The following ASIC2 variants were observed in gnomAD, a reference collection of about 807,000 sequenced individuals.
ASIC2 encodes the protein acid-sensing ion channel 2.
ASIC2 carries 25 observed loss-of-function variants against 57.3 expected under a neutral mutation model. The ratio of observed to expected loss-of-function variants is 0.44; its 90% confidence interval spans 0.32 to 0.61. The LOEUF is 0.61. Among genes scored for constraint, ASIC2 ranks in the 20% least tolerant of loss-of-function variants. The pLI is 0.06. For missense variants in ASIC2, 641 were observed against 738.1 expected (o/e 0.87, Z 1.52); for synonymous variants, 319 against 307.5 (o/e 1.04, Z -0.39).
At chr17:33,188,674 A>C (rs193204114) in intron 1 of ASIC2, among the ~76,000 whole-genome samples, 212 of 152,272 alleles carry the variant, frequency 1.4e-3, no homozygotes, top group African/African-American at 4.9e-3. Context: ...TACTGAGAGA[A>C]AGTAACTGTT....
At chr17:33,541,011 G>C (rs759637033) in intron 1 of ASIC2, among the ~76,000 whole-genome samples, 2 of 151,996 alleles carry the variant, frequency 1.3e-5, no homozygotes, top group African/African-American at 4.8e-5. Flanking sequence ...CATTCGCCCA[G>C]ACTCCTGTGT....
At chr17:33,093,960 C>A (rs2141970187) in intron 2 of ASIC2, among the ~76,000 whole-genome samples, 1 of 152,284 alleles carries the variant, frequency 6.6e-6, no homozygotes, top group Admixed American at 6.5e-5. Context: ...GACTTTATAA[C>A]AGTGGCTGAG....
chr17:33,883,393 C>T (rs1389154309), intron 1 of ASIC2, among the ~76,000 whole-genome samples: 1 of 152,152 alleles, frequency 6.6e-6, no homozygotes, highest in Non-Finnish European at 1.5e-5. Context: ...AACTTGTATC[C>T]AGGAAGAAGC....
intron 1 of ASIC2, among the ~76,000 whole-genome samples, chr17:33,924,664 G>C (rs1236309956): frequency 6.6e-6 from 1 of 152,150 alleles, no homozygotes; most frequent in African/African-American, 2.4e-5. Context: ...CCTTTCCTAT[G>C]GGAATTTTTG....
intron 1 of ASIC2, among the ~76,000 whole-genome samples, chr17:33,865,829 T>C (rs1170949674): frequency 1.3e-5 from 2 of 150,302 alleles, no homozygotes; most frequent in African/African-American, 2.5e-5. Flanking sequence ...AGTGCACAGA[T>C]AATGGAACCA....
At chr17:33,764,458 A>G (rs1400532903) in intron 1 of ASIC2, among the ~76,000 whole-genome samples, 3 of 152,190 alleles carry the variant, frequency 2.0e-5, no homozygotes, top group Non-Finnish European at 2.9e-5. Flanking sequence ...ATTAATAAAG[A>G]AAAAGAATTT....
In ASIC2 at chr17:33,573,526, G is replaced by T. The variant is rs529084907; in HGVS notation, c.556-461459C>A. 5.3e-5 allele frequency among the ~76,000 whole-genome samples: 8 copies of T among 152,206 alleles called. No homozygotes were observed. The South Asian group carries it at 1.7e-3, about 32-fold the overall frequency. On this transcript the variant is annotated intron_variant, in intron 1 of 9. Transcript: ENST00000359872. ...ATGTGGGAAAGCAAACATCAGCTTGGTTAACAGTTTTGTTTGCCTGCTTTA... is the reference window on the plus strand; with the variant it reads ...ATGTGGGAAAGCAAACATCAGCTTGTTTAACAGTTTTGTTTGCCTGCTTTA...
intron 1 of ASIC2, chr17:34,039,596 C>T (rs1908026828): frequency 1.2e-6 from 2 of 1,613,870 alleles, no homozygotes; most frequent in African/African-American, 2.7e-5. Context: ...GGCCCGCTTC[C>T]CCCAGCAAAC....
chr17:33,191,090 C>T (rs571821994), intron 1 of ASIC2, among the ~76,000 whole-genome samples: 1 of 152,148 alleles, frequency 6.6e-6, no homozygotes, highest in South Asian at 2.1e-4. Context: ...CCATCAACAG[C>T]CTAAAAGATT....
At chr17:33,846,463 G>C (rs1913605224) in intron 1 of ASIC2, among the ~76,000 whole-genome samples, 1 of 152,148 alleles carries the variant, frequency 6.6e-6, no homozygotes, top group African/African-American at 2.4e-5. Flanking sequence ...AATTGGCCTT[G>C]TTCTGTTGAA....
intron 1 of ASIC2, among the ~76,000 whole-genome samples, chr17:33,149,927 T>C (rs1299310620): frequency 6.6e-6 from 1 of 152,206 alleles, no homozygotes; most frequent in Non-Finnish European, 1.5e-5. Context: ...ATACATTTCC[T>C]TGGATACCCT....
At chr17:33,885,159 G>T (rs189756022) in intron 1 of ASIC2, among the ~76,000 whole-genome samples, 151 of 152,278 alleles carry the variant, frequency 9.9e-4, no homozygotes, top group African/African-American at 3.0e-3. Context: ...GCACAGGCTG[G>T]TGTCAAACTG....
intron 1 of ASIC2, among the ~76,000 whole-genome samples, chr17:33,151,927 C>T (rs979085729): frequency 6.6e-6 from 1 of 152,152 alleles, no homozygotes; most frequent in Non-Finnish European, 1.5e-5. Flanking sequence ...ATTCTAAAGC[C>T]CAAGATGTAA....
intron 1 of ASIC2, among the ~76,000 whole-genome samples, chr17:33,759,512 G>C (rs1315613707): frequency 1.3e-5 from 2 of 152,188 alleles, no homozygotes; most frequent in Admixed American, 6.5e-5. Context: ...GATTCATATG[G>C]ATAGAAGGGA....
intron 1 of ASIC2, among the ~76,000 whole-genome samples, chr17:33,552,835 C>T (rs773771372): frequency 1.2e-4 from 19 of 152,220 alleles, no homozygotes; most frequent in Non-Finnish European, 5.9e-5. Flanking sequence ...GTCAGGTATT[C>T]TGTTAGTGCA....
At position 33,050,056 on chromosome 17, in the gene ASIC2, A is replaced by G. The variant is rs532309342; in HGVS notation, c.988-21664T>C. ...TGGGAATGTTAGGAAAGAAAATGCT[A>G]TCGGGTAAGCCTGCTCAGCCTGAGG... On this transcript the variant is annotated intron_variant, in intron 3 of 9. Coordinates refer to ENST00000225823, the MANE Select transcript of ASIC2 (RefSeq NM_183377.2). Among the ~76,000 whole-genome samples the G allele has an allele frequency of 2.0e-5, 3 of 152,328 alleles. No homozygotes were observed. The East Asian group carries it at 5.8e-4, about 29-fold the overall frequency.
chr17:33,151,109 T>C (rs1432273281), intron 1 of ASIC2, among the ~76,000 whole-genome samples: 1 of 151,730 alleles, frequency 6.6e-6, no homozygotes, highest in African/African-American at 2.4e-5. Flanking sequence ...GATGGATCAC[T>C]TGAGGTCAGG....
intron 1 of ASIC2, among the ~76,000 whole-genome samples, chr17:33,819,794 AC>A (rs1214347152): frequency 6.6e-6 from 1 of 152,212 alleles, no homozygotes; most frequent in Non-Finnish European, 1.5e-5. Context: ...GTCACAAAAA[AC>A]ATTAAACACA....
chr17:33,265,595 A>G (rs1223124202), intron 1 of ASIC2, among the ~76,000 whole-genome samples: 4 of 152,120 alleles, frequency 2.6e-5, no homozygotes, highest in African/African-American at 9.7e-5. Flanking sequence ...GGTGCAGCAA[A>G]CCACCGTGGC....
Sources: gnomAD v4.1 joint callset for allele counts (sites outside exome capture counted in the v4.1 genomes callset) on GRCh38, gnomAD v4.1.1 for gene constraint, MANE v1.5 for transcripts, NCBI Gene and HGNC (gene_info 2026-07-23, HGNC 2026-07-21) for gene names.